The following LRCH3 variants were observed in gnomAD, a reference collection of about 807,000 sequenced individuals.
LRCH3 encodes the protein leucine rich repeats and calponin homology domain containing 3.
A neutral mutation model predicts 104.5 loss-of-function variants in LRCH3; 68 were observed. The observed-to-expected ratio is 0.65, with a 90% CI of 0.54 to 0.80. The LOEUF is 0.80. Among genes scored for constraint, LRCH3 ranks in the 30% least tolerant of loss-of-function variants. The probability of loss-of-function intolerance (pLI) is 0.00; values close to 1 mark genes in which losing one functional copy is unlikely to be tolerated. For missense variants in LRCH3, 951 were observed against 953.9 expected, an observed-to-expected ratio of 1.00 and a Z score of 0.04; for synonymous variants, 344 against 361.3, an observed-to-expected ratio of 0.95 and a Z score of 0.54.
At chr3:197,824,630 G>C (rs1224669458) in intron 4 of LRCH3, among the ~76,000 whole-genome samples, 1 of 147,814 alleles carries the variant, frequency 6.8e-6, no homozygotes, top group Admixed American at 6.9e-5. Flanking sequence ...ACAGTGGCGC[G>C]ATCTCGGCTC....
At chr3:197,879,527 T>TC (rs956201884) in intron 20 of LRCH3, among the ~76,000 whole-genome samples, 2 of 151,470 alleles carry the variant, frequency 1.3e-5, no homozygotes, top group Non-Finnish European at 2.9e-5. Flanking sequence ...GCGCCTGTAG[T>TC]CCCAGCTGCT....
At chr3:197,798,429 C>T (rs930151453) in intron 1 of LRCH3, among the ~76,000 whole-genome samples, 2 of 152,210 alleles carry the variant, frequency 1.3e-5, no homozygotes, top group African/African-American at 4.8e-5. Flanking sequence ...AGCAAAGACT[C>T]ACCATTGGTG....
In LRCH3 at chr3:197,839,388, A is replaced by G. The variant is rs1737450229; in HGVS notation, c.1319A>G (p.His440Arg). 6.3e-7 allele frequency: 1 copy of G among 1,576,108 alleles called. No homozygotes were observed. The highest frequency in any genetic ancestry group is 1.4e-5 in the African/African-American group (1 of 72,982). Residue 440 changes from histidine to arginine, a missense_variant, in exon 10 of 21, where the codon CAT (histidine) becomes CGT (arginine). Transcript: ENST00000425562. ...ACAGAAGATATGAGAAGATATTTAC[A>G]TCAAAACAGGTTTGAAAAACCAATT... ...QKTEDMRRYLHQNRVPAEPSS... is the reference protein window; with the variant it reads ...QKTEDMRRYLRQNRVPAEPSS...
In LRCH3 at chr3:197,820,806, T is replaced by C. The variant is rs562573945; in HGVS notation, c.640+376T>C. Among the ~76,000 whole-genome samples, 127 of 152,074 alleles carry C rather than the reference T, an allele frequency of 8.4e-4. 1 individual carries two copies. Among genetic ancestry groups the C allele is most frequent in the African/African-American group, 2.8e-3 (115 of 41,498 alleles). ...CCTGAGCACCAGAAAGAGACCTTTT[T>C]TAAAAAAACGGGGTGGGGAGAGAGA... On this transcript the variant is annotated intron_variant, in intron 4 of 20. Coordinates refer to ENST00000425562, the MANE Select transcript of LRCH3 (RefSeq NM_001365715.1).
intron 12 of LRCH3, chr3:197,850,266 CTTA>C: frequency 3.4e-6 from 2 of 579,942 alleles, no homozygotes; most frequent in South Asian, 4.6e-5. Flanking sequence ...TTATTGAATG[CTTA>C]TTATGTAGTA....
At chr3:197,822,281 A>G (rs1240547260) in intron 4 of LRCH3, among the ~76,000 whole-genome samples, 1 of 152,170 alleles carries the variant, frequency 6.6e-6, no homozygotes, top group African/African-American at 2.4e-5. Context: ...AATGAAGGTT[A>G]GCAAAACCAA....
intron 1 of LRCH3, among the ~76,000 whole-genome samples, chr3:197,793,900 A>C (rs1375961719): frequency 6.6e-6 from 1 of 152,236 alleles, no homozygotes; most frequent in Non-Finnish European, 1.5e-5. Flanking sequence ...CTCGTTACCC[A>C]GTCTCTGTTT....
intron 4 of LRCH3, among the ~76,000 whole-genome samples, chr3:197,821,178 A>G (rs1734448429): frequency 6.6e-6 from 1 of 152,150 alleles, no homozygotes; most frequent in Non-Finnish European, 1.5e-5. Context: ...CCTGAACTTA[A>G]CCGGTCACTG....
chr3:197,876,707 C>T (rs369083352), intron 20 of LRCH3, among the ~76,000 whole-genome samples: 22 of 152,258 alleles, frequency 1.4e-4, no homozygotes, highest in East Asian at 7.7e-4. Context: ...TCTCTATCAC[C>T]TTCTAATTAG....
intron 12 of LRCH3, chr3:197,850,928 CT>C: frequency 1.2e-6 from 1 of 815,634 alleles, no homozygotes; most frequent in Non-Finnish European, 2.2e-6. Flanking sequence ...TCGTGGGGTT[CT>C]CCGGGTCAAG....
intron 12 of LRCH3, chr3:197,848,555 T>G (rs1739103006): frequency 6.6e-6 from 1 of 152,594 alleles, no homozygotes; most frequent in Non-Finnish European, 1.5e-5. Context: ...CCTGTATTGC[T>G]TATCTTTTTG....
chr3:197,846,034 T>A (rs1350731256), intron 10 of LRCH3, among the ~76,000 whole-genome samples: 2 of 152,234 alleles, frequency 1.3e-5, no homozygotes, highest in African/African-American at 4.8e-5. Flanking sequence ...AGATGGCCGC[T>A]AAAAGCTATG....
intron 20 of LRCH3, chr3:197,880,714 G>T: frequency 6.5e-7 from 1 of 1,536,730 alleles, no homozygotes; most frequent in Non-Finnish European, 8.7e-7. Context: ...CCCGCTCGCT[G>T]AAAGATTGCA....
intron 20 of LRCH3, chr3:197,882,011 G>C: frequency 3.0e-6 from 3 of 985,442 alleles, no homozygotes; most frequent in Non-Finnish European, 3.6e-6. Flanking sequence ...TTCAGACTTT[G>C]GGGAATTGGG....
At chr3:197,798,101 A>G (rs533895102) in intron 1 of LRCH3, among the ~76,000 whole-genome samples, 5 of 152,196 alleles carry the variant, frequency 3.3e-5, no homozygotes, top group Admixed American at 2.0e-4. Context: ...TCTCTTAAAA[A>G]AATACAAAAA....
chr3:197,808,870 C>G (rs1453385137), intron 1 of LRCH3, among the ~76,000 whole-genome samples: 9 of 150,702 alleles, frequency 6.0e-5, no homozygotes. Context: ...TGCCACTGCA[C>G]TCCAACCTGG....
At position 197,879,565 on chromosome 3, in the gene LRCH3, G is replaced by A. The variant is rs534855489; in HGVS notation, c.2208+3790G>A. Among the ~76,000 whole-genome samples the A allele has an allele frequency of 2.8e-4, 42 of 152,028 alleles. 2 individuals carry two copies. The South Asian group carries it at 8.5e-3, about 31-fold the overall frequency. The stretch of plus-strand genomic sequence containing the variant: ...GGAGGCTGAGGCGGGAGAATGGCGG[G>A]AACCCGGGAGGCGGAGCTTGCAGTG... On this transcript the variant is annotated intron_variant, in intron 20 of 20. Coordinates refer to ENST00000425562, the MANE Select transcript of LRCH3 (RefSeq NM_001365715.1).
chr3:197,881,956 C>T, intron 20 of LRCH3: 1 of 985,440 alleles, frequency 1.0e-6, no homozygotes, highest in Non-Finnish European at 1.2e-6. Flanking sequence ...AAACACTCAA[C>T]ACTGTGATGA....
At chr3:197,830,658 A>C (rs1735807524) in intron 6 of LRCH3, 112 bp from the exon 7 acceptor site, 1 of 785,370 alleles carries the variant, frequency 1.3e-6, no homozygotes, top group Non-Finnish European at 2.1e-6. Flanking sequence ...ATTTAGTTCT[A>C]ATAGTTAAGT....
Sources: allele counts gnomAD v4.1 joint callset (sites outside exome capture counted in the v4.1 genomes callset), GRCh38; gene constraint gnomAD v4.1.1; transcripts MANE v1.5; gene names NCBI Gene and HGNC (gene_info 2026-07-23, HGNC 2026-07-21).